The following RCAN2 variants were observed in gnomAD, a reference collection of about 807,000 sequenced individuals.
The protein encoded by RCAN2 is regulator of calcineurin 2, also known as calcipressin-2.
Under a neutral mutation model 23.6 loss-of-function variants are expected in RCAN2, and 9 were observed. The observed-to-expected ratio is 0.38, with a 90% CI of 0.23 to 0.67. The LOEUF is 0.67. Ranked by LOEUF, RCAN2 falls within the 30% of genes least tolerant of loss-of-function variation. The pLI is 0.51. For missense variants in RCAN2, 273 were observed against 302.3 expected, an observed-to-expected ratio of 0.90 and a Z score of 0.72; for synonymous variants, 109 against 115.7, an observed-to-expected ratio of 0.94 and a Z score of 0.37.
chr6:46,386,570 T>C (rs1469667171), intron 2 of RCAN2, among the ~76,000 whole-genome samples: 1 of 141,568 alleles, frequency 7.1e-6, no homozygotes, highest in East Asian at 2.1e-4. Context: ...ATCGCGCCAC[T>C]GTACCCCAGC....
intron 2 of RCAN2, among the ~76,000 whole-genome samples, chr6:46,275,887 T>C (rs1041888281): frequency 1.3e-5 from 2 of 152,200 alleles, no homozygotes; most frequent in African/African-American, 2.4e-5. Context: ...CATCACCATT[T>C]TAGTGAGGTG....
chr6:46,314,525 A>G (rs1318439218), intron 2 of RCAN2, among the ~76,000 whole-genome samples: 1 of 152,044 alleles, frequency 6.6e-6, no homozygotes, highest in African/African-American at 2.4e-5. Context: ...CAAAAAACAA[A>G]AAAAAAAACT....
At chr6:46,258,624 A>G (rs939105383) in intron 2 of RCAN2, among the ~76,000 whole-genome samples, 4 of 152,284 alleles carry the variant, frequency 2.6e-5, no homozygotes, top group African/African-American at 9.6e-5. Context: ...CTAAAACCTC[A>G]TGGACTCATC....
chr6:46,239,456 C>G (rs144775131), intron 4 of RCAN2, among the ~76,000 whole-genome samples: 1 of 152,176 alleles, frequency 6.6e-6, no homozygotes, highest in Non-Finnish European at 1.5e-5. Context: ...GAGCGACCAG[C>G]GTAACCGCCT....
intron 4 of RCAN2, among the ~76,000 whole-genome samples, chr6:46,238,081 T>C (rs1376495912): frequency 6.6e-6 from 1 of 152,164 alleles, no homozygotes; most frequent in African/African-American, 2.4e-5. Context: ...TGGGATAGTT[T>C]GTTATGTGGC....
chr6:46,465,735 G>A (rs904685438), intron 1 of RCAN2, among the ~76,000 whole-genome samples: 2 of 152,232 alleles, frequency 1.3e-5, no homozygotes, highest in African/African-American at 4.8e-5. Context: ...GGGGGCCATG[G>A]AGGTGGAACA....
intron 2 of RCAN2, among the ~76,000 whole-genome samples, chr6:46,305,847 G>A (rs1763047939): frequency 6.6e-6 from 1 of 151,464 alleles, no homozygotes; most frequent in Non-Finnish European, 1.5e-5. Flanking sequence ...CTAAACAGTT[G>A]ACTGTCCTGG....
At chr6:46,253,864 C>A (rs939457025) in intron 2 of RCAN2, among the ~76,000 whole-genome samples, 1 of 152,090 alleles carries the variant, frequency 6.6e-6, no homozygotes, top group East Asian at 1.9e-4. Flanking sequence ...AAATTGCCTA[C>A]CGAATTCAGT....
intron 2 of RCAN2, among the ~76,000 whole-genome samples, chr6:46,260,235 G>A (rs1318194060): frequency 1.3e-5 from 2 of 152,114 alleles, no homozygotes; most frequent in African/African-American, 4.8e-5. Flanking sequence ...TTTTCCAGGG[G>A]TTCTTGGAAC....
chr6:46,382,215 T>C (rs572707936), intron 2 of RCAN2, among the ~76,000 whole-genome samples: 3 of 152,316 alleles, frequency 2.0e-5, no homozygotes, highest in African/African-American at 4.8e-5. Flanking sequence ...TGCACACCTA[T>C]ACAATGGGAA....
intron 2 of RCAN2, among the ~76,000 whole-genome samples, chr6:46,355,792 G>T (rs1353008514): frequency 6.6e-6 from 1 of 152,206 alleles, no homozygotes; most frequent in South Asian, 2.1e-4. Context: ...ATAAAGTTTG[G>T]TCTTATCTCC....
At chr6:46,361,553 C>T (rs1014938592) in intron 2 of RCAN2, among the ~76,000 whole-genome samples, 5 of 152,178 alleles carry the variant, frequency 3.3e-5, no homozygotes, top group African/African-American at 7.2e-5. Context: ...CCTGAAAATA[C>T]GTCTAGATTG....
chr6:46,412,766 G>T (rs1315598732), intron 2 of RCAN2, among the ~76,000 whole-genome samples: 1 of 152,164 alleles, frequency 6.6e-6, no homozygotes, highest in Admixed American at 6.5e-5. Context: ...GGAAGAGCAG[G>T]GAGGGAAGCC....
At chr6:46,280,149 A>T (rs189188350) in intron 2 of RCAN2, among the ~76,000 whole-genome samples, 3 of 152,304 alleles carry the variant, frequency 2.0e-5, no homozygotes, top group Admixed American at 2.0e-4. Flanking sequence ...AGGAAAGATG[A>T]AACTCTTGAC....
At chr6:46,394,937 T>C (rs1298062487) in intron 2 of RCAN2, among the ~76,000 whole-genome samples, 1 of 152,164 alleles carries the variant, frequency 6.6e-6, no homozygotes, top group East Asian at 1.9e-4. Flanking sequence ...GGAGCAGATG[T>C]ACATTGTAAG....
chr6:46,243,248 T>A (rs1000425162), intron 4 of RCAN2, among the ~76,000 whole-genome samples: 9 of 152,136 alleles, frequency 5.9e-5, no homozygotes, highest in Non-Finnish European at 1.0e-4. Flanking sequence ...TGCATGTGTG[T>A]GGCTGAGGAA....
chr6:46,431,509 C>G (rs1767205444), intron 2 of RCAN2, among the ~76,000 whole-genome samples: 1 of 152,186 alleles, frequency 6.6e-6, no homozygotes, highest in Non-Finnish European at 1.5e-5. Flanking sequence ...CAGCACTCAA[C>G]AACGATGAAT....
At chr6:46,228,141 A>T (rs1054476557) in intron 4 of RCAN2, among the ~76,000 whole-genome samples, 6 of 152,210 alleles carry the variant, frequency 3.9e-5, no homozygotes, top group African/African-American at 1.4e-4. Flanking sequence ...TCTGAGAGAC[A>T]GTTTGTTATA....
intron 2 of RCAN2, among the ~76,000 whole-genome samples, chr6:46,453,569 A>G (rs1463585801): frequency 6.6e-6 from 1 of 152,210 alleles, no homozygotes; most frequent in Non-Finnish European, 1.5e-5. Context: ...ATATCAGAAT[A>G]TTTATCATTT....
Sources: allele counts gnomAD v4.1 joint callset (sites outside exome capture counted in the v4.1 genomes callset), GRCh38; gene constraint gnomAD v4.1.1; transcripts MANE v1.5; gene names NCBI Gene and HGNC (gene_info 2026-07-23, HGNC 2026-07-21).